The following GTF2IRD1 variants were observed in gnomAD, a reference collection of about 807,000 sequenced individuals.
GTF2IRD1 encodes GTF2I repeat domain containing 1, also known as general transcription factor II-I repeat domain-containing protein 1.
A neutral mutation model predicts 113.2 loss-of-function variants in GTF2IRD1; 26 were observed. The observed-to-expected ratio is 0.23, with a 90% CI of 0.17 to 0.32. The LOEUF is 0.32. Ranked by LOEUF, GTF2IRD1 falls within the 10% of genes least tolerant of loss-of-function variation. The probability of loss-of-function intolerance (pLI) is 1.00; values close to 1 mark genes in which losing one functional copy is unlikely to be tolerated. For missense variants in GTF2IRD1, 864 were observed against 1,280.8 expected (o/e 0.67, Z 4.97); for synonymous variants, 484 against 529.1 (o/e 0.91, Z 1.17).
chr7:74,544,203 GT>G (rs1402766049), intron 14 of GTF2IRD1, among the ~76,000 whole-genome samples: 1 of 151,884 alleles, frequency 6.6e-6, no homozygotes, highest in Non-Finnish European at 1.5e-5. Flanking sequence ...TTGTTTGTTT[GT>G]TTTTGAGACG....
chr7:74,526,720 A>C (rs587745017), intron 8 of GTF2IRD1, among the ~76,000 whole-genome samples: 1 of 151,930 alleles, frequency 6.6e-6, no homozygotes, highest in Non-Finnish European at 1.5e-5. Context: ...CAGATGAACC[A>C]GACGGAGACA....
At chr7:74,461,962 G>C (rs554817233) in intron 1 of GTF2IRD1, among the ~76,000 whole-genome samples, 9 of 152,118 alleles carry the variant, frequency 5.9e-5, no homozygotes, top group Non-Finnish European at 1.0e-4. Flanking sequence ...CCCTTATGTC[G>C]TCCAACCCCC....
intron 17 of GTF2IRD1, among the ~76,000 whole-genome samples, chr7:74,554,117 A>AC (rs1799468262): frequency 6.6e-6 from 1 of 151,770 alleles, no homozygotes; most frequent in Non-Finnish European, 1.5e-5. Flanking sequence ...CTGCTTGATT[A>AC]CCCCTGTGAC....
At chr7:74,579,333 G>GA (rs1212831028) in intron 22 of GTF2IRD1, among the ~76,000 whole-genome samples, 3 of 151,944 alleles carry the variant, frequency 2.0e-5, no homozygotes, top group African/African-American at 7.3e-5. Context: ...GGAAGAGGAA[G>GA]AAGGCCAGGC....
At chr7:74,598,028 G>A (rs370526978) in intron 25 of GTF2IRD1, among the ~76,000 whole-genome samples, 1 of 152,102 alleles carries the variant, frequency 6.6e-6, no homozygotes, top group East Asian at 1.9e-4. Context: ...ACAAGCCTGG[G>A]CCATAAAGTG....
At chr7:74,572,676 C>T (rs782606255) in intron 22 of GTF2IRD1, 23 of 297,570 alleles carry the variant, frequency 7.7e-5, no homozygotes, top group Admixed American at 1.3e-4. Flanking sequence ...CTCAGCCTTC[C>T]CCACCCCCTC....
rs587675571 is a variant in GTF2IRD1, at chr7:74,581,533, C to T, written c.2321-8318C>T. On this transcript the variant is annotated intron_variant, in intron 22 of 26. Coordinates refer to ENST00000424337, the MANE Select transcript of GTF2IRD1 (RefSeq NM_005685.4). The stretch of plus-strand genomic sequence containing the variant: ...GCGATTCTCTGATCCGTGTTTTTCC[C>T]GTGAGCAGATTAGACTCAAAGGTGA... 3.1e-3 allele frequency among the ~76,000 whole-genome samples: 477 copies of T among 152,330 alleles called. 1 individual carries two copies. The highest frequency in any genetic ancestry group is 5.5e-3 in the Non-Finnish European group (372 of 68,036).
chr7:74,538,742 A>AT lies in GTF2IRD1; in HGVS notation c.1512dup (p.Gln505SerfsTer12), dbSNP rs1798454651. 6.3e-7 allele frequency: 1 copy of AT among 1,593,414 alleles called. No homozygotes were observed. Among genetic ancestry groups the AT allele is most frequent in the African/African-American group, 1.3e-5 (1 of 74,516 alleles). On this transcript the variant is annotated frameshift_variant, in exon 13 of 27. Coordinates refer to ENST00000424337, the MANE Select transcript of GTF2IRD1 (RefSeq NM_005685.4). LOFTEE classifies it high-confidence loss of function. The stretch of plus-strand genomic sequence containing the variant: ...AATTGAGCCAGAGGATCTGGACATC[A>AT]TTCAGGTCACCGTCCCAGGTAAGGG...
chr7:74,520,836 TA>T (rs1562830254), intron 6 of GTF2IRD1, among the ~76,000 whole-genome samples: 6 of 111,914 alleles, frequency 5.4e-5, no homozygotes, highest in African/African-American at 2.1e-4. Context: ...TTGTAAGTTA[TA>T]TATACTATTA....
chr7:74,456,869 A>G (rs1018875697), intron 1 of GTF2IRD1, among the ~76,000 whole-genome samples: 1 of 151,618 alleles, frequency 6.6e-6, no homozygotes, highest in Non-Finnish European at 1.5e-5. Flanking sequence ...AGGATTATAG[A>G]ATTTGCCTCT....
chr7:74,481,634 C>T (rs1794747047), intron 1 of GTF2IRD1, among the ~76,000 whole-genome samples: 1 of 152,196 alleles, frequency 6.6e-6, no homozygotes. Context: ...GTGTATGCCC[C>T]TGAGGTCATC....
intron 22 of GTF2IRD1, among the ~76,000 whole-genome samples, chr7:74,565,959 C>T (rs2130829691): frequency 6.6e-6 from 1 of 151,726 alleles, no homozygotes; most frequent in East Asian, 1.9e-4. Flanking sequence ...CATCACCTCA[C>T]TTCAACCTGA....
chr7:74,527,985 A>T (rs1375700858), intron 8 of GTF2IRD1, among the ~76,000 whole-genome samples: 2 of 152,172 alleles, frequency 1.3e-5, no homozygotes, highest in African/African-American at 4.8e-5. Context: ...CTGTTGGCAG[A>T]GCCGTCAGCT....
chr7:74,556,919 C>T (rs587675226), intron 19 of GTF2IRD1, among the ~76,000 whole-genome samples: 4 of 152,000 alleles, frequency 2.6e-5, no homozygotes, highest in East Asian at 3.9e-4. Flanking sequence ...CCGCCGCGCC[C>T]GGTCACACTT....
intron 11 of GTF2IRD1, among the ~76,000 whole-genome samples, 196 bp from the exon 12 acceptor site, chr7:74,537,940 C>T (rs1198081282): frequency 1.3e-5 from 2 of 152,242 alleles, no homozygotes; most frequent in Non-Finnish European, 2.9e-5. Context: ...ATTGTGGTCC[C>T]TGGAGACAAG....
At chr7:74,509,266 A>G (rs1407000036) in intron 2 of GTF2IRD1, among the ~76,000 whole-genome samples, 1 of 152,186 alleles carries the variant, frequency 6.6e-6, no homozygotes, top group Non-Finnish European at 1.5e-5. Context: ...CTGAGGCAGG[A>G]GAATCACTTG....
At chr7:74,525,140 A>G (rs1797528777) in intron 8 of GTF2IRD1, among the ~76,000 whole-genome samples, 2 of 152,166 alleles carry the variant, frequency 1.3e-5, no homozygotes, top group Admixed American at 6.6e-5. Context: ...GTAACACACC[A>G]TTTCCCACCT....
At chr7:74,462,416 T>C (rs1232383440) in intron 1 of GTF2IRD1, among the ~76,000 whole-genome samples, 1 of 152,214 alleles carries the variant, frequency 6.6e-6, no homozygotes, top group Non-Finnish European at 1.5e-5. Context: ...ATTTGTACAA[T>C]GTCACATAAA....
At chr7:74,514,027 A>G (rs11764571) in intron 3 of GTF2IRD1, among the ~76,000 whole-genome samples, 3,195 of 152,134 alleles carry the variant, frequency 0.021, 60 homozygotes, top group Non-Finnish European at 0.029. Flanking sequence ...ACCATGGTAT[A>G]GCATGAGGTT....
Sources: allele counts gnomAD v4.1 joint callset (sites outside exome capture counted in the v4.1 genomes callset), GRCh38; gene constraint gnomAD v4.1.1; transcripts MANE v1.5; gene names NCBI Gene and HGNC (gene_info 2026-07-23, HGNC 2026-07-21).